The following SCAF4 variants were observed in gnomAD, a reference collection of about 807,000 sequenced individuals.
SCAF4 encodes the protein SR-related and CTD-associated factor 4.
A neutral mutation model predicts 129.8 loss-of-function variants in SCAF4; 25 were observed. That is an observed-to-expected ratio of 0.19 (90% CI 0.14 to 0.27). The LOEUF (loss-of-function observed/expected upper bound fraction) is 0.27. Ranked by LOEUF, SCAF4 falls within the 10% of genes least tolerant of loss-of-function variation. The pLI is 1.00. For synonymous variants in SCAF4, 551 were observed against 497.7 expected (o/e 1.11, Z -1.43); for missense variants, 1,246 against 1,457.1 (o/e 0.86, Z 2.36).
At chr21:31,703,159 CATCT>C (rs1159941548) in intron 4 of SCAF4, among the ~76,000 whole-genome samples, 2 of 151,210 alleles carry the variant, frequency 1.3e-5, no homozygotes, top group African/African-American at 4.9e-5. Context: ...TGGGGAAGAA[CATCT>C]ATTATTGGCT....
At chr21:31,674,528 A>C (rs549506288) in intron 19 of SCAF4, among the ~76,000 whole-genome samples, 1 of 152,324 alleles carries the variant, frequency 6.6e-6, no homozygotes, top group Non-Finnish European at 1.5e-5. Context: ...AGACCACAAA[A>C]AAAATTTTAT....
chr21:31,731,334 C>A (rs1208286563), intron 1 of SCAF4, among the ~76,000 whole-genome samples: 1 of 152,226 alleles, frequency 6.6e-6, no homozygotes, highest in Admixed American at 6.5e-5. Context: ...GCTCGCGGAG[C>A]AGAGAGCGAG....
chr21:31,719,127 C>G (rs1004596908), intron 1 of SCAF4, among the ~76,000 whole-genome samples: 3 of 151,998 alleles, frequency 2.0e-5, no homozygotes, highest in Admixed American at 6.6e-5. Context: ...CCCATCTCTA[C>G]TAAACATACA....
intron 1 of SCAF4, among the ~76,000 whole-genome samples, chr21:31,714,894 T>C (rs932387919): frequency 2.0e-5 from 3 of 152,226 alleles, no homozygotes; most frequent in Non-Finnish European, 2.9e-5. Context: ...TAGTATTTCC[T>C]CTCTGTTCTT....
At chr21:31,702,024 AAAATAT>A in intron 5 of SCAF4, 106 bp from the exon 6 acceptor site, 1 of 1,401,594 alleles carries the variant, frequency 7.1e-7, no homozygotes, top group Non-Finnish European at 9.8e-7. Flanking sequence ...AACAAAGTAT[AAAATAT>A]AGAGATTGTG....
At chr21:31,681,674 T>C (rs2255140) in intron 19 of SCAF4, among the ~76,000 whole-genome samples, 17,935 of 152,172 alleles carry the variant, frequency 0.12, 1,742 homozygotes, top group East Asian at 0.52. Context: ...TTATTGCGCA[T>C]CAAGTAATTT....
chr21:31,722,508 TTA>T (rs1365305761), intron 1 of SCAF4, among the ~76,000 whole-genome samples: 2 of 152,150 alleles, frequency 1.3e-5, no homozygotes, highest in African/African-American at 4.8e-5. Context: ...TGAACAAAAA[TTA>T]TAGAGATGCC....
intron 1 of SCAF4, among the ~76,000 whole-genome samples, chr21:31,715,628 G>A (rs894564163): frequency 6.6e-6 from 1 of 152,140 alleles, no homozygotes; most frequent in Non-Finnish European, 1.5e-5. Context: ...AGCAAGTCTA[G>A]AAGTGATTTT....
chr21:31,683,498 T>G (rs2050044066), intron 19 of SCAF4, among the ~76,000 whole-genome samples: 1 of 152,218 alleles, frequency 6.6e-6, no homozygotes, highest in Admixed American at 6.5e-5. Flanking sequence ...CAGTGGTTAT[T>G]AAACTCCTGG....
intron 1 of SCAF4, among the ~76,000 whole-genome samples, chr21:31,724,358 C>T (rs2051149452): frequency 6.6e-6 from 1 of 151,970 alleles, no homozygotes; most frequent in Non-Finnish European, 1.5e-5. Context: ...AAACATAATA[C>T]TAATTAATAT....
intron 19 of SCAF4, among the ~76,000 whole-genome samples, chr21:31,679,239 G>A (rs573648763): frequency 6.6e-5 from 10 of 152,192 alleles, no homozygotes; most frequent in African/African-American, 2.4e-4. Flanking sequence ...GTGGCACTTT[G>A]CATGAACTAA....
At chr21:31,712,655 AGTAG>A (rs1274698421) in intron 1 of SCAF4, among the ~76,000 whole-genome samples, 2 of 151,086 alleles carry the variant, frequency 1.3e-5, no homozygotes, top group East Asian at 3.9e-4. Context: ...CAGCCTCCCG[AGTAG>A]CTGGGATTAC....
Position 31,671,978 on chromosome 21 carries a change from C to T in SCAF4, c.2865G>A (p.Ala955=), listed in dbSNP as rs373796708. 39 of 1,610,562 alleles carry T rather than the reference C, an allele frequency of 2.4e-5. No homozygotes were observed. Among genetic ancestry groups the T allele is most frequent in the African/African-American group, 2.4e-4 (18 of 74,914 alleles). Residue 955 remains alanine (A), a synonymous_variant, in exon 20 of 20, where the codon GCG becomes GCA. Transcript: ENST00000286835. ...GCTGCTGCTGCTGTGGTTGCTGGGG[C>T]GCCTGCGGCTGTGGCTGCTGCTGTG... The part of the protein sequence containing the change: ...QQPQQQPQPQ[A]PQQPQQQQQQ...
Position 31,707,234 on chromosome 21 carries a change from T to A in SCAF4, c.31-877A>T, listed in dbSNP as rs577243732. Among the ~76,000 whole-genome samples the A allele has an allele frequency of 2.6e-5, 4 of 152,232 alleles. No homozygotes were observed. In the South Asian group the frequency reaches 8.3e-4, roughly 32 times the overall value. ...CAGCCATGGTGGCGCACACCTGTAA[T>A]CCCAGCTACTCAGGAGGCTGAGGCA... On this transcript the variant is annotated intron_variant, in intron 1 of 19. Coordinates refer to ENST00000286835, the MANE Select transcript of SCAF4 (RefSeq NM_020706.2).
chr21:31,709,103 T>C (rs1419462906), intron 1 of SCAF4, among the ~76,000 whole-genome samples: 1 of 152,184 alleles, frequency 6.6e-6, no homozygotes, highest in African/African-American at 2.4e-5. Flanking sequence ...CCTTCACCTG[T>C]CTGTTCTTTT....
chr21:31,700,005 T>C (rs2050483645), intron 7 of SCAF4, among the ~76,000 whole-genome samples: 1 of 151,996 alleles, frequency 6.6e-6, no homozygotes, highest in African/African-American at 2.4e-5. Flanking sequence ...TCTCATTCTG[T>C]TGCCCAGGCT....
In SCAF4 at chr21:31,731,770, C is replaced by G. The variant is rs1293407751; in HGVS notation, c.-78G>C. 2.7e-6 allele frequency: 4 copies of G among 1,484,922 alleles called. No individual in the cohort carries two copies. The South Asian group carries it at 5.2e-5, about 19-fold the overall frequency. The allele number at this position is 1,484,922 out of a possible 1,614,324, so 92.0% of individuals were successfully genotyped here. ...GCCGCGGCGGAGCGGGGCTGGGAAACCAGCCGGGCCTGGTGGCCGGGGGGA... is the reference window on the plus strand; with the variant it reads ...GCCGCGGCGGAGCGGGGCTGGGAAAGCAGCCGGGCCTGGTGGCCGGGGGGA... On this transcript the variant is annotated 5_prime_UTR_variant, in exon 1 of 20. Coordinates refer to ENST00000286835, the MANE Select transcript of SCAF4 (RefSeq NM_020706.2).
At chr21:31,688,493 G>A (rs1380187988) in intron 15 of SCAF4, 29 bp from the exon 16 acceptor site, 6 of 1,570,412 alleles carry the variant, frequency 3.8e-6, no homozygotes, top group Admixed American at 1.7e-5. Flanking sequence ...TTTAACAAGA[G>A]TTTACCATTT....
intron 1 of SCAF4, among the ~76,000 whole-genome samples, chr21:31,724,733 A>C (rs996163945): frequency 6.6e-6 from 1 of 152,098 alleles, no homozygotes; most frequent in African/African-American, 2.4e-5. Context: ...AAAACAAACA[A>C]AAAAAAACTA....
Sources: allele counts gnomAD v4.1 joint callset (sites outside exome capture counted in the v4.1 genomes callset), GRCh38; gene constraint gnomAD v4.1.1; transcripts MANE v1.5; gene names NCBI Gene and HGNC (gene_info 2026-07-23, HGNC 2026-07-21).